Variants in MYH13 observed in about 807,000 individuals in gnomAD.
MYH13 encodes the protein myosin heavy chain 13.
A neutral mutation model predicts 232.1 loss-of-function variants in MYH13; 177 were observed. The observed-to-expected ratio is 0.76, with a 90% CI of 0.67 to 0.86. The LOEUF (loss-of-function observed/expected upper bound fraction) is 0.86. MYH13 is among the 40% of genes least tolerant of loss of function. The probability of loss-of-function intolerance (pLI) is 0.00; values close to 1 mark genes in which losing one functional copy is unlikely to be tolerated. For synonymous variants in MYH13, 884 were observed against 923.5 expected (o/e 0.96, Z 0.78); for missense variants, 2,246 against 2,405.9 (o/e 0.93, Z 1.39).
intron 22 of MYH13, among the ~76,000 whole-genome samples, chr17:10,325,710 C>T (rs1471452640): frequency 1.3e-5 from 2 of 152,196 alleles, no homozygotes; most frequent in Non-Finnish European, 2.9e-5. Flanking sequence ...CGGAGTCTCA[C>T]TCTGTTGCCA....
In MYH13 at chr17:10,309,387, C is replaced by T. The variant is rs1407383290; in HGVS notation, c.5016G>A (p.Lys1672=). ...TGCGCTCCACGATGGCCAGCTGCTC[C>T]TTGAGGTCCTCATTGCTCCTCAGGG... is the stretch of plus-strand genomic sequence containing the variant. ...DDALRSNEDL[K]EQLAIVERRN... is the part of the protein sequence containing the mutation. Residue 1672 remains lysine, a synonymous_variant, in exon 35 of 41, where the codon AAG becomes AAA. Coordinates refer to ENST00000252172, the MANE Select transcript of MYH13 (RefSeq NM_003802.3). 2 of 1,611,492 alleles carry T rather than the reference C, an allele frequency of 1.2e-6. No individual in the cohort carries two copies. The highest frequency in any genetic ancestry group is 1.7e-6 in the Non-Finnish European group (2 of 1,178,834).
chr17:10,322,220 G>A (rs1037144748), intron 23 of MYH13, among the ~76,000 whole-genome samples: 22 of 134,576 alleles, frequency 1.6e-4, no homozygotes, highest in Non-Finnish European at 2.7e-4. Context: ...GTGAAACCTC[G>A]TCTCTACTAA....
At chr17:10,339,087 C>A (rs1016512137) in intron 18 of MYH13, among the ~76,000 whole-genome samples, 3 of 152,086 alleles carry the variant, frequency 2.0e-5, no homozygotes, top group Admixed American at 6.5e-5. Context: ...GAACTTTTCC[C>A]CCCCAACCCC....
In MYH13 at chr17:10,333,185, A is replaced by T; in HGVS notation, c.2063T>A (p.Met688Lys). ...CTGGTGCATGACCAAGTAGTGGTCC[A>T]TCACACCTGGAGAGAGAACGTCCCG... is the stretch of plus-strand genomic sequence containing the variant. ...IPNETKTPGV[M>K]DHYLVMHQLR... The change falls in exon 19 of 41, where the codon ATG becomes AAG. Residue 688 changes from methionine to lysine, a missense_variant. Physicochemically the swap from Met to Lys is moderately conservative, Grantham distance 95 (BLOSUM62 -1). Transcript: ENST00000252172. 1 of 1,546,338 alleles carries T rather than the reference A, an allele frequency of 6.5e-7. No individual in the cohort carries two copies. Among genetic ancestry groups the T allele is most frequent in the Non-Finnish European group, 8.8e-7 (1 of 1,142,138 alleles).
At chr17:10,331,966 TC>T (rs1303468600) in intron 20 of MYH13, 132 bp downstream of exon 20, 4 of 1,086,774 alleles carry the variant, frequency 3.7e-6, no homozygotes, top group Non-Finnish European at 5.2e-6. Flanking sequence ...GACACAGAGC[TC>T]CCCTTACCTG....
intron 11 of MYH13, among the ~76,000 whole-genome samples, chr17:10,353,452 C>T (rs1023238382): frequency 3.9e-5 from 6 of 152,146 alleles, no homozygotes; most frequent in African/African-American, 9.7e-5. Context: ...GACCCCTTTT[C>T]GCAAGCTCTT....
At chr17:10,305,892 C>T (rs765914463) in intron 37 of MYH13, among the ~76,000 whole-genome samples, 24 of 152,220 alleles carry the variant, frequency 1.6e-4, no homozygotes, top group African/African-American at 4.8e-4. Context: ...AAGCCCCGAT[C>T]GCCCTCTTTT....
At chr17:10,363,190 A>G (rs1202830105) in intron 3 of MYH13, among the ~76,000 whole-genome samples, 1 of 151,730 alleles carries the variant, frequency 6.6e-6, no homozygotes. Context: ...GACAGAAAAT[A>G]GGGCAAGAAC....
intron 2 of MYH13, among the ~76,000 whole-genome samples, chr17:10,365,840 GGTGTGTGTGTGTGTGTGTGTGTGTGT>G (rs150455118): frequency 7.1e-6 from 1 of 140,192 alleles, no homozygotes; most frequent in Non-Finnish European, 1.5e-5. Context: ...CTTGCTGCAT[GGTGTGTGTGTGTGTGTGTGTGTGTGT>G]GTGTGTGTGT....
rs750271034 is a variant in MYH13 at position 10,312,579 on chromosome 17, C to T, written c.4360G>A (p.Asp1454Asn). The change falls in exon 31 of 41, where the codon GAC becomes AAC. Residue 1454 changes from aspartate (D) to asparagine (N), a missense_variant. Asp to Asn is a conservative substitution (Grantham distance 23). Transcript: ENST00000252172. ...GAAAGCGGCTGGGGAAGGACCTTGT[C>T]GAAGTTCCTCTGCTTCTTGTCCAGT... ...ATLDKKQRNF[D>N]KVLAEWKQKL... 1.1e-5 allele frequency: 17 copies of T among 1,611,548 alleles called. No individual in the cohort carries two copies. Among genetic ancestry groups the T allele is most frequent in the South Asian group, 4.4e-5 (4 of 90,470 alleles).
chr17:10,320,662 C>A, intron 24 of MYH13, 166 bp from the exon 25 acceptor site: 1 of 748,318 alleles, frequency 1.3e-6, no homozygotes, highest in East Asian at 2.7e-5. Context: ...TACCTCCCCT[C>A]TCTTCTGTCT....
chr17:10,336,777 T>C (rs1186788276), intron 18 of MYH13, among the ~76,000 whole-genome samples: 1 of 152,176 alleles, frequency 6.6e-6, no homozygotes, highest in East Asian at 1.9e-4. Context: ...GGCCTGTTCA[T>C]GCTACCTCGC....
At chr17:10,343,179 T>C (rs918111055) in intron 16 of MYH13, among the ~76,000 whole-genome samples, 4 of 151,774 alleles carry the variant, frequency 2.6e-5, no homozygotes, top group African/African-American at 9.7e-5. Flanking sequence ...TCACACAACA[T>C]TGTGAATATC....
At chr17:10,336,854 C>T (rs2071579394) in intron 18 of MYH13, among the ~76,000 whole-genome samples, 1 of 152,094 alleles carries the variant, frequency 6.6e-6, no homozygotes, top group Non-Finnish European at 1.5e-5. Context: ...CCCCCAACCC[C>T]AAACCTAGCT....
chr17:10,330,457 TCAGCGTCAC>T lies in MYH13; in HGVS notation c.2356_2364del (p.Val786_Leu788del), dbSNP rs2142244928. The stretch of plus-strand genomic sequence containing the variant: ...CTGCACACCGCCTGCGTGCTTGTCA[TCAGCGTCAC>T]CAGCTTCTCATCTCTCATCTCCTCC... On this transcript the variant is annotated inframe_deletion, in exon 21 of 41. Coordinates refer to ENST00000252172, the MANE Select transcript of MYH13 (RefSeq NM_003802.3). 6.2e-7 allele frequency: 1 copy of T among 1,613,208 alleles called. No homozygotes were observed. The highest frequency in any genetic ancestry group is 1.3e-5 in the African/African-American group (1 of 75,030).
rs780024042 is a variant in MYH13, at chr17:10,320,253, G to A, written c.3258-10C>T. On this transcript the variant is annotated splice_polypyrimidine_tract_variant and intron_variant, in intron 25 of 40. Transcript: ENST00000252172. ...GAGTTCAAACTCCTTCCTGCAAATA[G>A]ATTAAAAAAAAATAAAGAACATGAA... The A allele has an allele frequency of 3.3e-5, 52 of 1,592,368 alleles. No homozygotes were observed. In the African/African-American group the frequency reaches 6.7e-4, roughly 20 times the overall value.
chr17:10,309,945 AAT>A lies in MYH13; in HGVS notation c.4657-117_4657-116del. The A allele has an allele frequency of 5.3e-6, 5 of 937,098 alleles. No homozygotes were observed. The African/African-American group carries it at 5.3e-5, about 10-fold the overall frequency. The allele number at this position is 937,098 out of a possible 1,614,324, so 58.0% of individuals were successfully genotyped here. ...CGTTTTTTTAAAAAAATTAAATTTA[AAT>A]TTTTTTTTTTTTTTGGTAGAGACAG... On this transcript the variant is annotated intron_variant, in intron 33 of 40. Transcript: ENST00000252172.
chr17:10,314,965 T>C (rs1906648268), intron 29 of MYH13, among the ~76,000 whole-genome samples: 1 of 152,178 alleles, frequency 6.6e-6, no homozygotes, highest in Non-Finnish European at 1.5e-5. Flanking sequence ...CCCAAAACCA[T>C]GGAGCCTTCT....
chr17:10,350,501 G>A lies in MYH13; in HGVS notation c.1144+55C>T, dbSNP rs976808805. On this transcript the variant is annotated intron_variant, in intron 12 of 40. Transcript: ENST00000252172. The stretch of plus-strand genomic sequence containing the variant: ...AATGCAGTTTATCTCACACGGCCTC[G>A]CCCGCACATGAACATAGATGGACCC... 13 of 1,576,170 alleles carry A rather than the reference G, an allele frequency of 8.2e-6. No individual in the cohort carries two copies. In the African/African-American group the frequency reaches 1.4e-4, roughly 16 times the overall value.
Sources: gnomAD v4.1 joint callset for allele counts (sites outside exome capture counted in the v4.1 genomes callset) on GRCh38, gnomAD v4.1.1 for gene constraint, MANE v1.5 for transcripts, NCBI Gene and HGNC (gene_info 2026-07-23, HGNC 2026-07-21) for gene names.